The following CCDC150 variants were observed in gnomAD, a reference collection of about 807,000 sequenced individuals.
The protein encoded by CCDC150 is coiled-coil domain-containing protein 150.
In CCDC150, 151 loss-of-function variants were observed where a neutral mutation model predicts 156.5. That is an observed-to-expected ratio of 0.97 (90% CI 0.85 to 1.10). The LOEUF (loss-of-function observed/expected upper bound fraction) is 1.10. Among genes scored for constraint, CCDC150 ranks in the 50% least tolerant of loss-of-function variants. CCDC150 has a pLI of 0.00. For missense variants in CCDC150, 1,312 were observed against 1,268.1 expected (o/e 1.03, Z -0.53); for synonymous variants, 452 against 429.4 (o/e 1.05, Z -0.65).
At chr2:196,676,819 A>G (rs1694533410) in intron 12 of CCDC150, 88 bp downstream of exon 12, 1 of 1,218,080 alleles carries the variant, frequency 8.2e-7, no homozygotes, top group Non-Finnish European at 1.2e-6. Context: ...CAAGAAAAGA[A>G]ATAAAACCCA....
Position 196,658,872 on chromosome 2 carries a change from A to C in CCDC150, c.645+12A>C, listed in dbSNP as rs772235262. ...TTAAAATTCAAGAGGTAAGACAAAA[A>C]GATGGAGGGTGGAGGAGGTGTTGGA... On this transcript the variant is annotated intron_variant, in intron 5 of 27. Coordinates refer to ENST00000389175, the MANE Select transcript of CCDC150 (RefSeq NM_001080539.2). 7.6e-5 allele frequency: 120 copies of C among 1,580,392 alleles called. 2 individuals carry two copies. The South Asian group carries it at 1.4e-3, about 18-fold the overall frequency.
At chr2:196,668,969 G>A (rs1275155656) in intron 7 of CCDC150, among the ~76,000 whole-genome samples, 1 of 152,086 alleles carries the variant, frequency 6.6e-6, no homozygotes, top group African/African-American at 2.4e-5. Context: ...TCTGGCTTTA[G>A]AATATTTAAG....
rs1049826858 is a variant in CCDC150, at chr2:196,720,835, A to G, written c.2259+167A>G. Among the ~76,000 whole-genome samples the G allele has an allele frequency of 3.3e-5, 5 of 152,204 alleles. No individual in the cohort carries two copies. In the South Asian group the frequency reaches 6.2e-4, roughly 19 times the overall value. ...AAATGGGAAATTGACCTGTCTTACAATGAGTCACTTATTGGCAAACCAGTA... is the reference window on the plus strand; with the variant it reads ...AAATGGGAAATTGACCTGTCTTACAGTGAGTCACTTATTGGCAAACCAGTA... On this transcript the variant is annotated intron_variant, in intron 20 of 27. Coordinates refer to ENST00000389175, the MANE Select transcript of CCDC150 (RefSeq NM_001080539.2).
intron 1 of CCDC150, among the ~76,000 whole-genome samples, chr2:196,641,231 CCTTCCAAA>C (rs1692212372): frequency 6.6e-6 from 1 of 152,160 alleles, no homozygotes; most frequent in African/African-American, 2.4e-5. Context: ...CCCGCCTCGG[CCTTCCAAA>C]GTGCTGGGAT....
intron 13 of CCDC150, 70 bp downstream of exon 13, chr2:196,677,431 AT>A (rs957219604): frequency 9.8e-7 from 1 of 1,024,116 alleles, no homozygotes; most frequent in East Asian, 2.6e-5. Flanking sequence ...GTATCAGCTT[AT>A]CTTAATGAGG....
intron 14 of CCDC150, among the ~76,000 whole-genome samples, chr2:196,695,917 ATTAC>A (rs976197089): frequency 6.6e-6 from 1 of 152,352 alleles, no homozygotes; most frequent in African/African-American, 2.4e-5. Flanking sequence ...ATGAAAAAGT[ATTAC>A]TTACTTGCTT....
intron 10 of CCDC150, among the ~76,000 whole-genome samples, chr2:196,675,251 G>C (rs1244608044): frequency 6.6e-6 from 1 of 151,962 alleles, no homozygotes; most frequent in Non-Finnish European, 1.5e-5. Context: ...TAAATACTTA[G>C]TTTTTAACTC....
At chr2:196,697,302 T>TC (rs147316545) in intron 14 of CCDC150, among the ~76,000 whole-genome samples, 2,387 of 152,134 alleles carry the variant, frequency 0.016, 74 homozygotes, top group African/African-American at 0.054. Flanking sequence ...TTCAGGGGTT[T>TC]TTTTTGTTGT....
chr2:196,727,651 A>G (rs1467750087), intron 22 of CCDC150: 1 of 152,236 alleles, frequency 6.6e-6, no homozygotes, highest in Admixed American at 6.5e-5. Context: ...TCTGCTTTTT[A>G]TAGAAGAATT....
intron 15 of CCDC150, 89 bp downstream of exon 15, chr2:196,701,269 G>A (rs1462531208): frequency 1.1e-6 from 1 of 898,196 alleles, no homozygotes; most frequent in Non-Finnish European, 1.7e-6. Flanking sequence ...AGAATACCTA[G>A]CTCTGTCATT....
At chr2:196,647,492 T>A (rs1692617638) in intron 2 of CCDC150, among the ~76,000 whole-genome samples, 1 of 152,080 alleles carries the variant, frequency 6.6e-6, no homozygotes. Context: ...TAAACAACAA[T>A]TAAAAAGTCA....
chr2:196,713,143 C>T (rs1055512075), intron 17 of CCDC150: 4 of 664,106 alleles, frequency 6.0e-6, no homozygotes, highest in Middle Eastern at 4.4e-4. Context: ...TAGATGCGCT[C>T]TCTGACAGGG....
In CCDC150 at chr2:196,658,807, A is replaced by G. The variant is rs1693382523; in HGVS notation, c.592A>G (p.Ile198Val). 3 of 1,604,026 alleles carry G rather than the reference A, an allele frequency of 1.9e-6. No individual in the cohort carries two copies. The highest frequency in any genetic ancestry group is 3.4e-5 in the Admixed American group (2 of 58,828). The change falls in exon 5 of 28, where the codon ATT (isoleucine) becomes GTT (valine). Residue 198 changes from isoleucine (I) to valine (V), a missense_variant. Physicochemically the swap from Ile to Val is conservative, Grantham distance 29. Transcript: ENST00000389175. ...CTACTTTTAGAAGAATGCAGCCATTATTGAAGAGGAACTGAAGACCACAAA... is the reference window on the plus strand; with the variant it reads ...CTACTTTTAGAAGAATGCAGCCATTGTTGAAGAGGAACTGAAGACCACAAA... ...ASQTKKNAAI[I>V]EEELKTTKRK...
At chr2:196,662,387 G>T (rs975404331) in intron 5 of CCDC150, among the ~76,000 whole-genome samples, 4 of 152,196 alleles carry the variant, frequency 2.6e-5, no homozygotes, top group African/African-American at 7.2e-5. Context: ...CCATGGGGTT[G>T]TGGGGGTTGA....
At chr2:196,654,797 T>C (rs951659652) in intron 2 of CCDC150, among the ~76,000 whole-genome samples, 9 of 152,242 alleles carry the variant, frequency 5.9e-5, no homozygotes, top group African/African-American at 1.7e-4. Flanking sequence ...CATTTTTCTT[T>C]TAACTCGCCG....
chr2:196,730,681 T>C (rs1384483086), intron 25 of CCDC150, among the ~76,000 whole-genome samples, 178 bp from the exon 26 acceptor site: 1 of 152,240 alleles, frequency 6.6e-6, no homozygotes, highest in African/African-American at 2.4e-5. Flanking sequence ...TATGTAGATA[T>C]GCAGACTATA....
rs187694042 is a variant in CCDC150, at chr2:196,722,579, A to G, written c.2429+888A>G. Among the ~76,000 whole-genome samples, 152 of 152,162 alleles carry G rather than the reference A, an allele frequency of 1.0e-3. No individual in the cohort carries two copies. In the East Asian group the frequency reaches 0.019, roughly 19 times the overall value. ...GCATGAGCCACTGTTCTCAGCCTAG[A>G]TATTTATTATTTTCAATTAGTGAGC... On this transcript the variant is annotated intron_variant, in intron 21 of 27. Transcript: ENST00000389175.
chr2:196,724,137 C>T (rs1481781367), intron 21 of CCDC150, among the ~76,000 whole-genome samples: 2 of 152,124 alleles, frequency 1.3e-5, no homozygotes, highest in Non-Finnish European at 2.9e-5. Flanking sequence ...AGATGGTCTG[C>T]GATTTTCCTT....
intron 9 of CCDC150, among the ~76,000 whole-genome samples, chr2:196,673,231 A>G (rs1003449328): frequency 6.6e-6 from 1 of 152,162 alleles, no homozygotes; most frequent in Non-Finnish European, 1.5e-5. Flanking sequence ...AATCCTCACA[A>G]TAGCCCTATG....
Sources: gnomAD v4.1 joint callset for allele counts (sites outside exome capture counted in the v4.1 genomes callset) on GRCh38, gnomAD v4.1.1 for gene constraint, MANE v1.5 for transcripts, NCBI Gene and HGNC (gene_info 2026-07-23, HGNC 2026-07-21) for gene names.